Variants in UBA6 observed in about 807,000 individuals in gnomAD.
UBA6 encodes ubiquitin-like modifier-activating enzyme 6.
UBA6 carries 87 observed loss-of-function variants against 148.3 expected under a neutral mutation model. That is an observed-to-expected ratio of 0.59 (90% CI 0.49 to 0.70). The LOEUF is 0.70. Among genes scored for constraint, UBA6 ranks in the 30% least tolerant of loss-of-function variants. The pLI is 0.00. For synonymous variants in UBA6, 376 were observed against 401.0 expected (o/e 0.94, Z 0.75); for missense variants, 1,186 against 1,241.2 (o/e 0.96, Z 0.67).
At chr4:67,620,961 T>C (rs1728736818) in intron 32 of UBA6, among the ~76,000 whole-genome samples, 1 of 152,216 alleles carries the variant, frequency 6.6e-6, no homozygotes, top group Non-Finnish European at 1.5e-5. Context: ...TGTTCAGTAC[T>C]TAACAGGTAC....
At chr4:67,659,127 T>G (rs1296551815) in intron 13 of UBA6, among the ~76,000 whole-genome samples, 3 of 152,200 alleles carry the variant, frequency 2.0e-5, no homozygotes, top group African/African-American at 7.2e-5. Context: ...TACATTTTAT[T>G]TTCTCAAAGC....
chr4:67,630,566 G>C, intron 25 of UBA6, 31 bp from the exon 26 acceptor site: 1 of 1,442,166 alleles, frequency 6.9e-7, no homozygotes, highest in African/African-American at 1.4e-5. Context: ...AGCAAAATTT[G>C]AATGTACAGT....
intron 17 of UBA6, among the ~76,000 whole-genome samples, chr4:67,643,830 G>A (rs1241707812): frequency 6.6e-6 from 1 of 152,042 alleles, no homozygotes; most frequent in Non-Finnish European, 1.5e-5. Flanking sequence ...ATATGCTAAT[G>A]TGCATCATGA....
intron 2 of UBA6, among the ~76,000 whole-genome samples, chr4:67,695,207 T>C (rs1730804629): frequency 6.6e-6 from 1 of 152,224 alleles, no homozygotes; most frequent in African/African-American, 2.4e-5. Flanking sequence ...ACATTAAGAA[T>C]ATAATTATAG....
intron 10 of UBA6, among the ~76,000 whole-genome samples, chr4:67,664,728 A>G (rs1729949010): frequency 1.3e-5 from 2 of 152,120 alleles, no homozygotes; most frequent in African/African-American, 4.8e-5. Flanking sequence ...TTTGAAATTT[A>G]TAAAATTAAA....
intron 14 of UBA6, among the ~76,000 whole-genome samples, chr4:67,648,110 T>C (rs1729464453): frequency 6.6e-6 from 1 of 151,876 alleles, no homozygotes; most frequent in South Asian, 2.1e-4. Context: ...ACTAATGTAC[T>C]TGTATTCTGT....
In UBA6 at chr4:67,649,205, C is replaced by T; in HGVS notation, c.1111G>A (p.Val371Ile). 1.2e-6 allele frequency: 2 copies of T among 1,607,868 alleles called. No homozygotes were observed. The highest frequency in any genetic ancestry group is 1.1e-5 in the South Asian group (1 of 89,246). ...ISETLEEKPD[V>I]NADIVHWLSW... The stretch of plus-strand genomic sequence containing the variant: ...AGCCAATGCACAATGTCAGCATTTA[C>T]ATCAGGCTAAAACAAAAGCCATAAA... The change falls in exon 14 of 33, where the codon GTA becomes ATA. Residue 371 changes from valine to isoleucine, a missense_variant. Coordinates refer to ENST00000322244, the MANE Select transcript of UBA6 (RefSeq NM_018227.6).
intron 19 of UBA6, among the ~76,000 whole-genome samples, chr4:67,637,835 A>G (rs978767711): frequency 9.2e-5 from 14 of 151,988 alleles, no homozygotes; most frequent in Non-Finnish European, 1.6e-4. Context: ...TAGGAAAACC[A>G]GAGACCTTTG....
In UBA6 at chr4:67,696,709, TG is replaced by T; in HGVS notation, c.72-3del. The T allele has an allele frequency of 6.2e-7, 1 of 1,601,522 alleles. No homozygotes were observed. Among genetic ancestry groups the T allele is most frequent in the African/African-American group, 1.3e-5 (1 of 74,458 alleles). ...ATAATGGGCAAATTTTTATTTGTGC[TG>T]GAAAAAAAAACATGGTTATTAAATA... On this transcript the variant is annotated splice_region_variant and splice_polypyrimidine_tract_variant and intron_variant, in intron 1 of 32. Coordinates refer to ENST00000322244, the MANE Select transcript of UBA6 (RefSeq NM_018227.6).
rs1313120227 is a variant in UBA6, at chr4:67,613,870, T to C, written c.*5127A>G. On this transcript the variant is annotated 3_prime_UTR_variant, in exon 33 of 33. Transcript: ENST00000322244. The stretch of plus-strand genomic sequence containing the variant: ...AAAATCAAAATATTTTACCCCGAAA[T>C]ATGTTTCTCTGCCATATCTTGAAAT... The C allele has an allele frequency of 1.3e-5, 2 of 152,166 alleles. No individual in the cohort carries two copies. Among genetic ancestry groups the C allele is most frequent in the African/African-American group, 2.4e-5 (1 of 41,436 alleles). 9.4% of individuals were successfully genotyped at this position (152,166 alleles called of 1,614,324 possible).
Position 67,616,140 on chromosome 4 carries a change from C to A in UBA6, c.*2857G>T, listed in dbSNP as rs754115963. The A allele has an allele frequency of 2.0e-5, 8 of 395,918 alleles. No individual in the cohort carries two copies. Among genetic ancestry groups the A allele is most frequent in the Non-Finnish European group, 3.1e-5 (7 of 224,948 alleles). The allele number at this position is 395,918 out of a possible 1,614,324, so 24.5% of individuals were successfully genotyped here. On this transcript the variant is annotated 3_prime_UTR_variant, in exon 33 of 33. Transcript: ENST00000322244. ...TTATCAATGGATACTTAACTCTGAT[C>A]CTCAAGAGCTCAACTCTGATTTTTT...
intron 14 of UBA6, among the ~76,000 whole-genome samples, chr4:67,647,247 A>T (rs182010723): frequency 2.0e-5 from 3 of 152,072 alleles, no homozygotes; most frequent in Admixed American, 2.0e-4. Context: ...CTGCCTCCTG[A>T]GTTCAAGTGA....
chr4:67,633,491 A>G lies in UBA6; in HGVS notation c.2014-18T>C. ...TGTATCTTCTAGAATGGGAGAGAAA[A>G]AAAAAATCAACATACTTCCAATTAC... On this transcript the variant is annotated intron_variant, in intron 22 of 32. Transcript: ENST00000322244. 1 of 1,562,342 alleles carries G rather than the reference A, an allele frequency of 6.4e-7. No homozygotes were observed. The highest frequency in any genetic ancestry group is 8.6e-7 in the Non-Finnish European group (1 of 1,164,874).
intron 1 of UBA6, among the ~76,000 whole-genome samples, chr4:67,700,787 G>C (rs766365533): frequency 1.4e-4 from 22 of 152,160 alleles, no homozygotes; most frequent in Non-Finnish European, 2.5e-4. Flanking sequence ...TTGGAGGAAG[G>C]AGGATCCCGA....
chr4:67,617,224 C>T lies in UBA6; in HGVS notation c.*1773G>A, dbSNP rs552754661. 6 of 152,028 alleles carry T rather than the reference C, an allele frequency of 3.9e-5. No individual in the cohort carries two copies. The highest frequency in any genetic ancestry group is 7.4e-5 in the Non-Finnish European group (5 of 67,960). 9.4% of individuals were successfully genotyped at this position (152,028 alleles called of 1,614,324 possible). ...TTTATGGACTGCTGAATTAACTACCCGAAAAGTATCAGTTACTTTCAAAGA... is the reference window on the plus strand; with the variant it reads ...TTTATGGACTGCTGAATTAACTACCTGAAAAGTATCAGTTACTTTCAAAGA... On this transcript the variant is annotated 3_prime_UTR_variant, in exon 33 of 33. Transcript: ENST00000322244.
At chr4:67,626,561 A>G (rs1728874124) in intron 27 of UBA6, 84 bp from the exon 28 acceptor site, 2 of 830,150 alleles carry the variant, frequency 2.4e-6, no homozygotes, top group Non-Finnish European at 3.8e-6. Flanking sequence ...ATCAAATTAC[A>G]AAGAGAAAAT....
At chr4:67,642,653 G>A (rs570061948) in intron 17 of UBA6, among the ~76,000 whole-genome samples, 22 of 152,128 alleles carry the variant, frequency 1.4e-4, no homozygotes, top group African/African-American at 5.3e-4. Context: ...ATTACACTAT[G>A]AAGATATGCT....
rs912599675 is a variant in UBA6, at chr4:67,670,697, T to A, written c.547-105A>T. 4.8e-5 allele frequency: 40 copies of A among 827,112 alleles called. 2 individuals are homozygous for A. The highest frequency in any genetic ancestry group is 4.2e-4 in the Admixed American group (18 of 43,032). The allele number at this position is 827,112 out of a possible 1,614,324, so 51.2% of individuals were successfully genotyped here. On this transcript the variant is annotated intron_variant, in intron 7 of 32. Transcript: ENST00000322244. ...ATTTAATTTATAATTAAGTATACCT[T>A]ACACAACCTATAGAATACAAAGTAA...
At chr4:67,637,092 G>A (rs868118031) in intron 19 of UBA6, among the ~76,000 whole-genome samples, 3 of 151,414 alleles carry the variant, frequency 2.0e-5, no homozygotes, top group African/African-American at 7.3e-5. Context: ...CCCCGTCTGA[G>A]AAGTGAGGAG....
Sources: allele counts gnomAD v4.1 joint callset (sites outside exome capture counted in the v4.1 genomes callset), GRCh38; gene constraint gnomAD v4.1.1; transcripts MANE v1.5; gene names NCBI Gene and HGNC (gene_info 2026-07-23, HGNC 2026-07-21).